The following FRMD4A variants were observed in gnomAD, a reference collection of about 807,000 sequenced individuals.
The protein encoded by FRMD4A is FERM domain containing 4A.
Under a neutral mutation model 129.1 loss-of-function variants are expected in FRMD4A, and 29 were observed. The ratio of observed to expected loss-of-function variants is 0.22; its 90% CI spans 0.17 to 0.31. FRMD4A has a LOEUF of 0.31. Among genes scored for constraint, FRMD4A ranks in the 10% least tolerant of loss-of-function variants. FRMD4A has a pLI of 1.00. For synonymous variants in FRMD4A, 634 were observed against 571.6 expected (o/e 1.11, Z -1.56); for missense variants, 1,272 against 1,375.8 (o/e 0.92, Z 1.19).
intron 2 of FRMD4A, among the ~76,000 whole-genome samples, chr10:14,300,937 C>A (rs1285552354): frequency 6.6e-6 from 1 of 152,112 alleles, no homozygotes; most frequent in Non-Finnish European, 1.5e-5. Flanking sequence ...TTTTGGCCAA[C>A]AAATGGTCTA....
In FRMD4A at chr10:13,898,768, G is replaced by A. The variant is rs139554507; in HGVS notation, c.46-39856C>T. ...GCTGAGGACAGGAGACAAGGTAAGG[G>A]AGGACCTGAAGCTGGGTTGTGTAAT... On this transcript the variant is annotated intron_variant, in intron 2 of 24. Transcript: ENST00000357447. Among the ~76,000 whole-genome samples the A allele has an allele frequency of 1.5e-4, 23 of 152,322 alleles. No homozygotes were observed. The East Asian group carries it at 4.3e-3, about 28-fold the overall frequency.
intron 12 of FRMD4A, among the ~76,000 whole-genome samples, chr10:13,718,917 T>A (rs11595505): frequency 2.0e-5 from 3 of 152,268 alleles, no homozygotes; most frequent in Non-Finnish European, 4.4e-5. Context: ...TATGTTTTCC[T>A]GGCACCTAGC....
intron 2 of FRMD4A, among the ~76,000 whole-genome samples, chr10:14,078,313 T>C (rs1158842738): frequency 6.6e-6 from 1 of 152,196 alleles, no homozygotes; most frequent in Non-Finnish European, 1.5e-5. Context: ...TCAGGCAAGA[T>C]TATCTCCAAA....
intron 2 of FRMD4A, among the ~76,000 whole-genome samples, chr10:13,968,016 G>A (rs996738625): frequency 1.3e-5 from 2 of 152,234 alleles, no homozygotes; most frequent in African/African-American, 4.8e-5. Flanking sequence ...CTGCACTTCA[G>A]CGGGGGCGCT....
intron 2 of FRMD4A, among the ~76,000 whole-genome samples, chr10:14,031,923 C>T (rs1308422264): frequency 2.6e-5 from 4 of 151,732 alleles, no homozygotes; most frequent in African/African-American, 9.7e-5. Flanking sequence ...TTAGAATGAT[C>T]AATGATGTTT....
At chr10:14,127,978 C>CTTTTTTT (rs747654399) in intron 2 of FRMD4A, among the ~76,000 whole-genome samples, 4 of 47,854 alleles carry the variant, frequency 8.4e-5, no homozygotes, top group African/African-American at 3.4e-4. Flanking sequence ...TTCTTTCTTT[C>CTTTTTTT]CTTCTCTCTC....
intron 2 of FRMD4A, among the ~76,000 whole-genome samples, chr10:14,185,693 G>C (rs776057362): frequency 6.6e-6 from 1 of 152,210 alleles, no homozygotes; most frequent in Non-Finnish European, 1.5e-5. Context: ...GATAGCAGCA[G>C]CTCAACAGTG....
intron 2 of FRMD4A, among the ~76,000 whole-genome samples, chr10:13,968,097 G>A (rs970266716): frequency 2.0e-5 from 3 of 152,166 alleles, no homozygotes; most frequent in Admixed American, 2.0e-4. Flanking sequence ...TGTGCAGAAT[G>A]AGGCCCCTTC....
intron 2 of FRMD4A, among the ~76,000 whole-genome samples, chr10:13,976,659 C>T (rs1308578263): frequency 1.3e-5 from 2 of 152,092 alleles, no homozygotes; most frequent in Non-Finnish European, 2.9e-5. Context: ...ATGTGTAGTG[C>T]TATTATGAAC....
chr10:13,984,801 A>T (rs2095575223), intron 2 of FRMD4A, among the ~76,000 whole-genome samples: 1 of 152,138 alleles, frequency 6.6e-6, no homozygotes, highest in Admixed American at 6.5e-5. Context: ...CTTTTTGGCT[A>T]CTGTGACTCA....
intron 2 of FRMD4A, among the ~76,000 whole-genome samples, chr10:13,957,617 T>A (rs1456812428): frequency 2.0e-5 from 3 of 152,126 alleles, no homozygotes; most frequent in Admixed American, 2.0e-4. Context: ...GGAGGAAGAG[T>A]AAAAATCCTC....
At chr10:13,725,668 G>C (rs1365987831) in intron 12 of FRMD4A, among the ~76,000 whole-genome samples, 2 of 152,078 alleles carry the variant, frequency 1.3e-5, no homozygotes, top group Non-Finnish European at 2.9e-5. Context: ...GACCAGTCTC[G>C]GGATGGCCTT....
chr10:13,794,743 G>T (rs1485876992), intron 5 of FRMD4A, among the ~76,000 whole-genome samples: 1 of 152,182 alleles, frequency 6.6e-6, no homozygotes, highest in African/African-American at 2.4e-5. Context: ...GTTCTTTGAG[G>T]TTCTTGCTTT....
At chr10:13,739,630 C>CAT (rs1175865663) in intron 11 of FRMD4A, among the ~76,000 whole-genome samples, 2 of 152,164 alleles carry the variant, frequency 1.3e-5, no homozygotes, top group African/African-American at 2.4e-5. Context: ...AGGCAGAAAG[C>CAT]ATATATATCA....
intron 19 of FRMD4A, 63 bp downstream of exon 19, chr10:13,663,390 A>C: frequency 1.1e-6 from 1 of 916,542 alleles, no homozygotes; most frequent in Admixed American, 1.7e-5. Context: ...CCCAGACTAC[A>C]TAGAAATTCA....
chr10:14,079,773 T>G (rs1588926860), intron 2 of FRMD4A, among the ~76,000 whole-genome samples: 2 of 152,318 alleles, frequency 1.3e-5, no homozygotes, highest in East Asian at 3.9e-4. Flanking sequence ...GTGTTCTTGC[T>G]TTTTCACATT....
intron 2 of FRMD4A, among the ~76,000 whole-genome samples, chr10:14,045,536 C>T (rs1218046872): frequency 6.6e-6 from 1 of 150,684 alleles, no homozygotes. Context: ...AAATATGTAT[C>T]GTTATTGAAT....
chr10:14,237,103 C>A (rs1033656418), intron 2 of FRMD4A, among the ~76,000 whole-genome samples: 2 of 151,428 alleles, frequency 1.3e-5, no homozygotes, highest in South Asian at 4.2e-4. Context: ...GAACTCCTGG[C>A]CTTAAGCAGA....
At chr10:14,253,937 G>A (rs184284488) in intron 2 of FRMD4A, among the ~76,000 whole-genome samples, 2 of 152,262 alleles carry the variant, frequency 1.3e-5, no homozygotes, top group African/African-American at 4.8e-5. Flanking sequence ...CAGGTCCCAG[G>A]AGAGACCTTT....
Sources: allele counts gnomAD v4.1 joint callset (sites outside exome capture counted in the v4.1 genomes callset), GRCh38; gene constraint gnomAD v4.1.1; transcripts MANE v1.5; gene names NCBI Gene and HGNC (gene_info 2026-07-23, HGNC 2026-07-21).